Variants in ASXL3 observed in about 807,000 individuals in gnomAD.
The protein encoded by ASXL3 is putative Polycomb group protein ASXL3.
In ASXL3, 34 loss-of-function variants were observed where a neutral mutation model predicts 170.6. That is an observed-to-expected ratio of 0.20 (90% CI 0.15 to 0.27). The LOEUF (loss-of-function observed/expected upper bound fraction) is 0.27, where lower values mean the gene tolerates loss of function less well. ASXL3 is among the 10% of genes least tolerant of loss of function. The probability of loss-of-function intolerance (pLI) is 1.00; values close to 1 mark genes in which losing one functional copy is unlikely to be tolerated. For synonymous variants in ASXL3, 1,002 were observed against 989.1 expected, an observed-to-expected ratio of 1.01 and a Z score of -0.24; for missense variants, 2,592 against 2,695.3, an observed-to-expected ratio of 0.96 and a Z score of 0.85.
intron 11 of ASXL3, 64 bp from the exon 12 acceptor site, chr18:33,742,824 C>T: frequency 6.7e-7 from 1 of 1,500,308 alleles, no homozygotes; most frequent in Non-Finnish European, 8.9e-7. Flanking sequence ...TTATCACATT[C>T]TACGTGCCTC....
At chr18:33,578,830 G>C (rs1439046153) in intron 1 of ASXL3, 145 bp downstream of exon 1, 1 of 434,284 alleles carries the variant, frequency 2.3e-6, no homozygotes, top group Non-Finnish European at 3.3e-6. Context: ...TTCTGCGGGA[G>C]TGGGCTCGCC....
chr18:33,650,759 G>T (rs2065985009), intron 4 of ASXL3, among the ~76,000 whole-genome samples: 1 of 152,100 alleles, frequency 6.6e-6, no homozygotes, highest in Non-Finnish European at 1.5e-5. Context: ...TTGCATTCGG[G>T]AAATTACTTT....
chr18:33,675,924 A>G (rs529527879), intron 7 of ASXL3, among the ~76,000 whole-genome samples: 61 of 151,870 alleles, frequency 4.0e-4, no homozygotes, highest in Non-Finnish European at 7.5e-4. Context: ...TTGAAAATAA[A>G]AGAAAAAAAT....
Position 33,638,256 on chromosome 18 carries a change from T to A in ASXL3, c.138-6638T>A, listed in dbSNP as rs889077112. 4.6e-5 allele frequency among the ~76,000 whole-genome samples: 7 copies of A among 151,698 alleles called. No individual in the cohort carries two copies. In the East Asian group the frequency reaches 1.4e-3, roughly 29 times the overall value. On this transcript the variant is annotated intron_variant, in intron 2 of 11. Transcript: ENST00000269197. ...AATATATATATTTGTAGAGATAAGG[T>A]CTCACTGTGTTGCCCAGACTAGTCT...
intron 5 of ASXL3, among the ~76,000 whole-genome samples, chr18:33,666,462 A>G (rs1267667890): frequency 1.3e-5 from 2 of 152,154 alleles, no homozygotes; most frequent in African/African-American, 2.4e-5. Context: ...CTTTTAGGGT[A>G]CCCCTGTGCA....
At chr18:33,620,500 G>A (rs1260779138) in intron 2 of ASXL3, among the ~76,000 whole-genome samples, 1 of 152,142 alleles carries the variant, frequency 6.6e-6, no homozygotes, top group African/African-American at 2.4e-5. Context: ...GGAAGTACTA[G>A]TAGGAATTGC....
intron 8 of ASXL3, among the ~76,000 whole-genome samples, chr18:33,712,374 TA>T (rs1404053859): frequency 6.6e-6 from 1 of 152,204 alleles, no homozygotes; most frequent in Non-Finnish European, 1.5e-5. Context: ...GACACACTTA[TA>T]AATAGATTTT....
At chr18:33,628,004 A>G (rs757427921) in intron 2 of ASXL3, among the ~76,000 whole-genome samples, 2 of 152,174 alleles carry the variant, frequency 1.3e-5, no homozygotes, top group Non-Finnish European at 2.9e-5. Context: ...GTCTGTAAAT[A>G]TCATTAGAAC....
At chr18:33,686,652 C>T (rs1333348894) in intron 8 of ASXL3, among the ~76,000 whole-genome samples, 1 of 152,020 alleles carries the variant, frequency 6.6e-6, no homozygotes, top group East Asian at 1.9e-4. Context: ...ACTGGAGCCA[C>T]CTAAAGGAGA....
At chr18:33,681,509 A>T (rs2066514506) in intron 7 of ASXL3, among the ~76,000 whole-genome samples, 1 of 152,046 alleles carries the variant, frequency 6.6e-6, no homozygotes. Flanking sequence ...AAGAGATGTC[A>T]CTGTCTTTAT....
Position 33,730,155 on chromosome 18 carries a change from A to AATTG in ASXL3, c.880-1810_880-1807dup, listed in dbSNP as rs372835229. ...TGTTTGGAGATGTTTTTTGTTGTCA[A>AATTG]ATTGATAGGGAGTTGCTCCTGGGAT... On this transcript the variant is annotated intron_variant, in intron 8 of 11. Coordinates refer to ENST00000269197, the MANE Select transcript of ASXL3 (RefSeq NM_030632.3). 7.7e-3 allele frequency among the ~76,000 whole-genome samples: 1,168 copies of AATTG among 152,152 alleles called. 10 individuals carry two copies. The highest frequency in any genetic ancestry group is 0.027 in the African/African-American group (1,130 of 41,520).
chr18:33,631,013 T>C (rs2065668856), intron 2 of ASXL3, among the ~76,000 whole-genome samples: 1 of 151,944 alleles, frequency 6.6e-6, no homozygotes, highest in African/African-American at 2.4e-5. Flanking sequence ...TAAATCCACC[T>C]TTGACAGGGA....
At chr18:33,736,208 A>G (rs1434770310) in intron 10 of ASXL3, among the ~76,000 whole-genome samples, 1 of 152,104 alleles carries the variant, frequency 6.6e-6, no homozygotes, top group African/African-American at 2.4e-5. Flanking sequence ...CATGAAACTT[A>G]GGGGCTTTCC....
In ASXL3 at chr18:33,745,694, A is replaced by G. The variant is rs756431189; in HGVS notation, c.5846A>G (p.Gln1949Arg). ...RGPIPTAALL[Q>R]ASSKTPVGCN... Reference sequence around the variant, plus strand: ...CCCATTCCTACTGCAGCTCTGTTACAGGCCTCTTCCAAGACCCCAGTGGGG... The same window carrying G: ...CCCATTCCTACTGCAGCTCTGTTACGGGCCTCTTCCAAGACCCCAGTGGGG... The change falls in exon 12 of 12, where the codon CAG becomes CGG. Residue 1949 changes from glutamine (Q) to arginine (R), a missense_variant. By Grantham distance (43) the Gln-to-Arg change is conservative. Around this residue, in one of 4 missense-constraint regions of ASXL3, gnomAD observed 2,246 missense variants for 2,219.6 expected, o/e 1.01. Coordinates refer to ENST00000269197, the MANE Select transcript of ASXL3 (RefSeq NM_030632.3). 3 of 1,614,010 alleles carry G rather than the reference A, an allele frequency of 1.9e-6. No individual in the cohort carries two copies. Among genetic ancestry groups the G allele is most frequent in the Non-Finnish European group, 2.5e-6 (3 of 1,179,884 alleles).
At chr18:33,719,204 AG>A (rs2067218178) in intron 8 of ASXL3, among the ~76,000 whole-genome samples, 1 of 151,944 alleles carries the variant, frequency 6.6e-6, no homozygotes, top group Non-Finnish European at 1.5e-5. Flanking sequence ...CTTCATAACA[AG>A]GTTCCTTACC....
chr18:33,695,080 G>T (rs904916993), intron 8 of ASXL3, among the ~76,000 whole-genome samples: 4 of 151,982 alleles, frequency 2.6e-5, no homozygotes, highest in African/African-American at 9.7e-5. Context: ...CTTAGAGATT[G>T]CTCTATGTAC....
At chr18:33,636,337 AACAACAACAGCC>A (rs199946266) in intron 2 of ASXL3, among the ~76,000 whole-genome samples, 25 of 38,010 alleles carry the variant, frequency 6.6e-4, no homozygotes, top group African/African-American at 1.3e-3. Flanking sequence ...CAACAACAGC[AACAACAACAGCC>A]ACAACAACAG....
intron 1 of ASXL3, among the ~76,000 whole-genome samples, chr18:33,590,189 G>A (rs966392081): frequency 6.9e-6 from 1 of 144,588 alleles, no homozygotes; most frequent in Non-Finnish European, 1.5e-5. Flanking sequence ...TATTGGACAA[G>A]GTAAGATGGC....
chr18:33,670,864 G>T, intron 6 of ASXL3, 74 bp downstream of exon 6: 1 of 1,014,084 alleles, frequency 9.9e-7, no homozygotes, highest in South Asian at 2.1e-5. Context: ...GAGATGTCAT[G>T]ATTTTTTTTC....
Sources: allele counts gnomAD v4.1 joint callset (sites outside exome capture counted in the v4.1 genomes callset), GRCh38; gene constraint gnomAD v4.1.1; regional missense constraint gnomAD v4.1.1; transcripts MANE v1.5; gene names NCBI Gene and HGNC (gene_info 2026-07-23, HGNC 2026-07-21).